RANBP2: variants seen among roughly 807,000 people sequenced by gnomAD.
RANBP2 encodes the protein RAN binding protein 2, also known as E3 SUMO-protein ligase RanBP2.
Under a neutral mutation model 303.6 loss-of-function variants are expected in RANBP2, and 57 were observed. The observed-to-expected ratio is 0.19, with a 90% CI of 0.15 to 0.23. The LOEUF (loss-of-function observed/expected upper bound fraction) is 0.23. Ranked by LOEUF, RANBP2 falls within the 10% of genes least tolerant of loss-of-function variation. RANBP2 has a pLI of 1.00. For synonymous variants in RANBP2, 1,167 were observed against 1,301.5 expected (o/e 0.90, Z 2.23); for missense variants, 3,138 against 3,780.8 (o/e 0.83, Z 4.46).
the RANBP2 span, among the ~76,000 whole-genome samples, chr2:109,365,021 A>G: frequency 6.6e-6 from 1 of 151,680 alleles, no homozygotes; most frequent in Non-Finnish European, 1.5e-5. Context: ...ACTCTGTCTC[A>G]AAAAGAAACA....
the RANBP2 span, among the ~76,000 whole-genome samples, chr2:109,727,306 A>G: frequency 7.0e-4 from 106 of 152,318 alleles, no homozygotes; most frequent in South Asian, 1.7e-3. Context: ...ACCTGTGGGA[A>G]ACGATGAACT....
At chr2:108,873,462 C>A in the RANBP2 span, 1 of 1,597,120 alleles carries the variant, frequency 6.3e-7, no homozygotes, top group South Asian at 1.2e-5. Flanking sequence ...ATCCTTGCAG[C>A]CTTTCCTGGA....
chr2:109,223,401 C>T, the RANBP2 span, among the ~76,000 whole-genome samples: 1 of 152,158 alleles, frequency 6.6e-6, no homozygotes, highest in Non-Finnish European at 1.5e-5. Context: ...GCCGTGTGCT[C>T]GCTGTGATGG....
At chr2:108,990,382 G>C in the RANBP2 span, among the ~76,000 whole-genome samples, 75 of 141,944 alleles carry the variant, frequency 5.3e-4, 2 homozygotes, top group East Asian at 0.015. Context: ...AGTGAGCCGA[G>C]ATTGCGCCAC....
At chr2:109,013,894 A>G in the RANBP2 span, among the ~76,000 whole-genome samples, 3 of 152,046 alleles carry the variant, frequency 2.0e-5, no homozygotes, top group East Asian at 1.9e-4. Flanking sequence ...ATCATTCTTA[A>G]TGGCTTATGC....
At chr2:109,614,717 C>A in the RANBP2 span, 1 of 1,488,956 alleles carries the variant, frequency 6.7e-7, no homozygotes. Flanking sequence ...GCGCCAAGTA[C>A]GTGCACCTCA....
At chr2:109,412,123 C>T in the RANBP2 span, among the ~76,000 whole-genome samples, 2 of 152,202 alleles carry the variant, frequency 1.3e-5, no homozygotes, top group Admixed American at 1.3e-4. Flanking sequence ...CGGTGGATGC[C>T]GGCACAGATG....
the RANBP2 span, among the ~76,000 whole-genome samples, chr2:109,574,926 A>T: frequency 6.6e-6 from 1 of 152,254 alleles, no homozygotes; most frequent in Admixed American, 6.5e-5. Context: ...TGTGCAGAAC[A>T]TGCGCAAAAG....
chr2:108,746,384 T>G (rs1243050778), intron 7 of RANBP2, among the ~76,000 whole-genome samples: 3 of 140,418 alleles, frequency 2.1e-5, no homozygotes, highest in Admixed American at 1.4e-4. Flanking sequence ...TGGCTCTTTG[T>G]TTTTTTTTTA....
At chr2:109,263,732 C>T in the RANBP2 span, among the ~76,000 whole-genome samples, 2 of 152,060 alleles carry the variant, frequency 1.3e-5, no homozygotes, top group East Asian at 1.9e-4. Flanking sequence ...TTTGGGAGGC[C>T]GAGGTGGGCA....
the RANBP2 span, among the ~76,000 whole-genome samples, chr2:109,563,100 G>A: frequency 1.3e-5 from 2 of 152,104 alleles, no homozygotes; most frequent in East Asian, 1.9e-4. Flanking sequence ...TAGTAAAGAC[G>A]GGGTTTCACC....
At chr2:109,499,893 C>T in the RANBP2 span, among the ~76,000 whole-genome samples, 1 of 152,144 alleles carries the variant, frequency 6.6e-6, no homozygotes, top group Non-Finnish European at 1.5e-5. Flanking sequence ...CTGAGCTGAG[C>T]TCAGGTTCAA....
At chr2:108,868,774 A>G in the RANBP2 span, among the ~76,000 whole-genome samples, 1 of 152,170 alleles carries the variant, frequency 6.6e-6, no homozygotes, top group Admixed American at 6.5e-5. Context: ...AATAAATACT[A>G]AGAACATTTT....
At chr2:109,396,422 C>A in the RANBP2 span, among the ~76,000 whole-genome samples, 1 of 152,332 alleles carries the variant, frequency 6.6e-6, no homozygotes, top group Non-Finnish European at 1.5e-5. Flanking sequence ...TGCTGACAGC[C>A]ATGTGCCTGG....
chr2:108,990,043 C>A, the RANBP2 span, among the ~76,000 whole-genome samples: 1 of 152,152 alleles, frequency 6.6e-6, no homozygotes, highest in African/African-American at 2.4e-5. Flanking sequence ...ACACCTGTAA[C>A]CCCAGCACTT....
At chr2:109,637,462 G>A in the RANBP2 span, among the ~76,000 whole-genome samples, 2 of 152,106 alleles carry the variant, frequency 1.3e-5, no homozygotes, top group Admixed American at 6.6e-5. Context: ...ATCCCACAAG[G>A]CCATATTTCA....
the RANBP2 span, among the ~76,000 whole-genome samples, chr2:109,317,625 G>A: frequency 1.3e-5 from 2 of 152,078 alleles, no homozygotes; most frequent in Admixed American, 6.5e-5. Context: ...TGACTTGCTG[G>A]GCCTGGAAAA....
At chr2:108,992,486 A>C in the RANBP2 span, among the ~76,000 whole-genome samples, 1 of 152,228 alleles carries the variant, frequency 6.6e-6, no homozygotes, top group East Asian at 1.9e-4. Context: ...TTACTGTCTC[A>C]AAAAGTGGCA....
chr2:109,374,064 C>T, the RANBP2 span, among the ~76,000 whole-genome samples: 3 of 152,182 alleles, frequency 2.0e-5, no homozygotes, highest in Non-Finnish European at 4.4e-5. Context: ...CACCTTAAAG[C>T]CCTCCTCCCT....
Sources: gnomAD v4.1 joint callset for allele counts (sites outside exome capture counted in the v4.1 genomes callset) on GRCh38, gnomAD v4.1.1 for gene constraint, MANE v1.5 for transcripts, NCBI Gene and HGNC (gene_info 2026-07-23, HGNC 2026-07-21) for gene names.